Variants in FRMPD4 observed in about 807,000 individuals in gnomAD.
FRMPD4 encodes FERM and PDZ domain containing 4.
In FRMPD4, 22 loss-of-function variants were observed where a neutral mutation model predicts 94.1. That is an observed-to-expected ratio of 0.23 (90% CI 0.17 to 0.33). The LOEUF is 0.33. FRMPD4 is among the 10% of genes least tolerant of loss of function. The probability of loss-of-function intolerance (pLI) is 1.00; values close to 1 mark genes in which losing one functional copy is unlikely to be tolerated. For missense variants in FRMPD4, 1,111 were observed against 1,339.9 expected (o/e 0.83, Z 2.67); for synonymous variants, 631 against 548.6 (o/e 1.15, Z -2.10).
chrX:12,422,658 G>A (rs750383805), intron 1 of FRMPD4, among the ~76,000 whole-genome samples: 99 of 112,080 alleles, frequency 8.8e-4, no homozygotes, highest in Middle Eastern at 4.7e-3. Context: ...GCTAGAAAGC[G>A]GTCTTCATTT....
intron 2 of FRMPD4, among the ~76,000 whole-genome samples, chrX:12,584,898 A>C (rs1345219962): frequency 8.9e-6 from 1 of 111,958 alleles, no homozygotes; most frequent in African/African-American, 3.2e-5. Context: ...TGTGGAGTGA[A>C]TTGGGTTTCT....
intron 2 of FRMPD4, among the ~76,000 whole-genome samples, chrX:12,599,012 T>A (rs759222729): frequency 8.9e-6 from 1 of 112,205 alleles, no homozygotes; most frequent in East Asian, 2.8e-4. Flanking sequence ...ACACATATTC[T>A]TGTAGTTTAT....
Position 12,609,077 on chromosome X carries a change from T to C in FRMPD4, c.159-644T>C, listed in dbSNP as rs2059156562. The stretch of plus-strand genomic sequence containing the variant: ...CATATACTGTATTCTTACAATAAAG[T>C]TAGAGAAAACAAAATGTTATTAAGA... On this transcript the variant is annotated intron_variant, in intron 2 of 16. Transcript: ENST00000675598. Among the ~76,000 whole-genome samples the C allele has an allele frequency of 1.8e-5, 2 of 112,194 alleles. 1 individual carries two copies. Among genetic ancestry groups the C allele is most frequent in the Non-Finnish European group, 3.8e-5 (2 of 53,272 alleles).
chrX:12,020,058 G>A (rs1005724522), intron 3 of FRMPD4, among the ~76,000 whole-genome samples: 20 of 111,739 alleles, frequency 1.8e-4, no homozygotes, highest in Non-Finnish European at 2.6e-4. Flanking sequence ...ATTTGAACAC[G>A]TGACATCTAG....
intron 3 of FRMPD4, among the ~76,000 whole-genome samples, chrX:11,999,081 G>T (rs906374639): frequency 9.0e-6 from 1 of 111,726 alleles, no homozygotes; most frequent in Non-Finnish European, 1.9e-5. Flanking sequence ...GTAAATAATA[G>T]TTGATCATCT....
intron 14 of FRMPD4, 100 bp from the exon 15 acceptor site, chrX:12,715,969 C>A (rs967593208): frequency 2.1e-6 from 1 of 468,593 alleles, no homozygotes; most frequent in African/African-American, 2.4e-5. Flanking sequence ...AGTGATGCTA[C>A]AAGCCATTAA....
At chrX:12,410,921 G>A (rs138511791) in intron 1 of FRMPD4, among the ~76,000 whole-genome samples, 2,525 of 111,384 alleles carry the variant, frequency 0.023, 43 homozygotes, top group Non-Finnish European at 0.035. Context: ...TGTATTACTC[G>A]TGACCATATG....
At chrX:12,377,453 A>G (rs2056255153) in intron 1 of FRMPD4, among the ~76,000 whole-genome samples, 1 of 112,278 alleles carries the variant, frequency 8.9e-6, no homozygotes, top group Non-Finnish European at 1.9e-5. Context: ...TGGAACAAAG[A>G]TGAATCAAAG....
intron 9 of FRMPD4, among the ~76,000 whole-genome samples, chrX:12,697,660 G>A (rs753171605): frequency 6.2e-5 from 7 of 112,106 alleles, no homozygotes; most frequent in Non-Finnish European, 1.3e-4. Flanking sequence ...AGCTTAGGGA[G>A]ATCTTTCTTA....
intron 1 of FRMPD4, among the ~76,000 whole-genome samples, chrX:12,458,320 G>A (rs112992697): frequency 0.032 from 3,587 of 111,840 alleles, 161 homozygotes; most frequent in African/African-American, 0.11. Flanking sequence ...GTACTACTAT[G>A]AGACCAATGA....
intron 1 of FRMPD4, among the ~76,000 whole-genome samples, chrX:12,489,516 A>G (rs1289342768): frequency 1.8e-5 from 2 of 112,381 alleles, no homozygotes; most frequent in East Asian, 5.6e-4. Flanking sequence ...ATCTCTTAAA[A>G]TGATGAGTGT....
At chrX:12,338,199 G>C (rs767710424) in intron 1 of FRMPD4, among the ~76,000 whole-genome samples, 11 of 112,012 alleles carry the variant, frequency 9.8e-5, no homozygotes, top group African/African-American at 3.6e-4. Context: ...AGGGGGATTA[G>C]GTTTCAATAG....
At chrX:12,076,210 T>A (rs2055013437) in intron 3 of FRMPD4, among the ~76,000 whole-genome samples, 2 of 111,368 alleles carry the variant, frequency 1.8e-5, no homozygotes, top group Admixed American at 1.9e-4. Flanking sequence ...ATATCTTCAC[T>A]GACTCCTTTA....
chrX:12,401,111 G>A (rs1405369458), intron 1 of FRMPD4, among the ~76,000 whole-genome samples: 4 of 111,475 alleles, frequency 3.6e-5, no homozygotes, highest in African/African-American at 1.3e-4. Context: ...CATCAGTTAT[G>A]TTATTATTGA....
chrX:12,194,081 G>A (rs2056538380), intron 1 of FRMPD4, among the ~76,000 whole-genome samples: 1 of 109,130 alleles, frequency 9.2e-6, no homozygotes, highest in African/African-American at 3.3e-5. Flanking sequence ...AAGACCAAAC[G>A]GAATGCTAGA....
intron 1 of FRMPD4, among the ~76,000 whole-genome samples, chrX:12,189,068 A>G (rs1489514413): frequency 9.0e-6 from 1 of 111,549 alleles, no homozygotes; most frequent in Non-Finnish European, 1.9e-5. Flanking sequence ...GAAAGAGAGA[A>G]GACATGAATT....
chrX:12,414,192 T>G (rs1034049500), intron 1 of FRMPD4, among the ~76,000 whole-genome samples: 1 of 112,642 alleles, frequency 8.9e-6, no homozygotes, highest in Admixed American at 9.4e-5. Flanking sequence ...ATGCAGTAAA[T>G]CAGATAGGTC....
At position 11,955,363 on chromosome X, in the gene FRMPD4, A is replaced by G. The variant is rs141834428; in HGVS notation, c.95+77345A>G. ...CCAGGCTTGCTGGGCACAGTGGTAC[A>G]TGCTTGTAGCCCTAGCTAATGGGGA... On this transcript the variant is annotated intron_variant, in intron 3 of 18. Coordinates refer to the FRMPD4 transcript ENST00000640291. 4.5e-5 allele frequency among the ~76,000 whole-genome samples: 5 copies of G among 110,947 alleles called. No homozygotes were observed. In the Admixed American group the frequency reaches 4.8e-4, roughly 11 times the overall value.
intron 4 of FRMPD4, among the ~76,000 whole-genome samples, chrX:12,628,554 C>A (rs1355386543): frequency 8.9e-6 from 1 of 112,584 alleles, no homozygotes; most frequent in African/African-American, 3.2e-5. Flanking sequence ...AATCTTGTCA[C>A]CTTCCCAGGG....
Sources: gnomAD v4.1 joint callset for allele counts (sites outside exome capture counted in the v4.1 genomes callset) on GRCh38, gnomAD v4.1.1 for gene constraint, MANE v1.5 for transcripts, NCBI Gene and HGNC (gene_info 2026-07-23, HGNC 2026-07-21) for gene names.